The following RSPO2 variants were observed in gnomAD, a reference collection of about 807,000 sequenced individuals.
The protein encoded by RSPO2 is R-spondin 2.
In RSPO2, 14 loss-of-function variants were observed where a neutral mutation model predicts 30.9. The observed-to-expected ratio is 0.45, with a 90% CI of 0.30 to 0.71. The LOEUF is 0.71. Among genes scored for constraint, RSPO2 ranks in the 30% least tolerant of loss-of-function variants. RSPO2 has a pLI of 0.08. For missense variants in RSPO2, 264 were observed against 301.9 expected (o/e 0.87, Z 0.93); for synonymous variants, 107 against 96.4 (o/e 1.11, Z -0.64).
intron 5 of RSPO2, among the ~76,000 whole-genome samples, chr8:107,938,801 C>A (rs1199555591): frequency 6.6e-6 from 1 of 152,122 alleles, no homozygotes; most frequent in Non-Finnish European, 1.5e-5. Context: ...AACAGTAAAG[C>A]ATTTTGATGA....
At chr8:107,932,290 A>C (rs1442721763) in intron 5 of RSPO2, among the ~76,000 whole-genome samples, 1 of 152,090 alleles carries the variant, frequency 6.6e-6, no homozygotes, top group Non-Finnish European at 1.5e-5. Context: ...TTGGTGACCA[A>C]ATGTATATGG....
chr8:108,028,227 C>T (rs1193233651), intron 2 of RSPO2, among the ~76,000 whole-genome samples: 1 of 152,154 alleles, frequency 6.6e-6, no homozygotes, highest in Non-Finnish European at 1.5e-5. Flanking sequence ...CTCTGTGCTT[C>T]TGATATTTCC....
At chr8:108,022,940 A>T (rs567742441) in intron 2 of RSPO2, among the ~76,000 whole-genome samples, 2 of 151,032 alleles carry the variant, frequency 1.3e-5, no homozygotes, top group African/African-American at 2.4e-5. Flanking sequence ...AAACAAAAAA[A>T]AAAACCACAC....
intron 2 of RSPO2, among the ~76,000 whole-genome samples, chr8:108,053,931 C>CA (rs1812154752): frequency 6.6e-6 from 1 of 152,162 alleles, no homozygotes; most frequent in Non-Finnish European, 1.5e-5. Flanking sequence ...TAAGCTAACT[C>CA]AAGTCCCCAT....
At chr8:108,001,419 C>T (rs1815245102) in intron 2 of RSPO2, among the ~76,000 whole-genome samples, 1 of 151,996 alleles carries the variant, frequency 6.6e-6, no homozygotes, top group African/African-American at 2.4e-5. Flanking sequence ...CCCCTTTTTC[C>T]CCCTAGAAAC....
At chr8:108,030,961 T>C (rs1455749184) in intron 2 of RSPO2, among the ~76,000 whole-genome samples, 2 of 152,210 alleles carry the variant, frequency 1.3e-5, no homozygotes, top group African/African-American at 4.8e-5. Flanking sequence ...ATGGCGAATA[T>C]TTTGCCACTG....
chr8:107,983,888 C>A, intron 3 of RSPO2: 1 of 1,430,924 alleles, frequency 7.0e-7, no homozygotes, highest in Non-Finnish European at 9.8e-7. Context: ...ACATTCCTGT[C>A]TTCCGCCCTT....
Position 107,957,663 on chromosome 8 carries a change from A to G in RSPO2, c.616+417T>C, listed in dbSNP as rs1813471736. Among the ~76,000 whole-genome samples, 3 of 152,198 alleles carry G rather than the reference A, an allele frequency of 2.0e-5. No homozygotes were observed. In the South Asian group the frequency reaches 6.2e-4, roughly 31 times the overall value. On this transcript the variant is annotated intron_variant, in intron 5 of 5. Coordinates refer to ENST00000276659, the MANE Select transcript of RSPO2 (RefSeq NM_178565.5). ...GTTGTCATCTTCAACTAGTAATGAT[A>G]CAGATGATTTTACAGACTCCATAAA...
chr8:107,968,705 T>C (rs577073682), intron 3 of RSPO2, among the ~76,000 whole-genome samples: 89 of 152,092 alleles, frequency 5.9e-4, no homozygotes, highest in African/African-American at 2.0e-3. Flanking sequence ...TAAAAATACA[T>C]ACAACTATTA....
chr8:107,955,638 T>TAA lies in RSPO2; in HGVS notation c.616+2440_616+2441dup, dbSNP rs11404577. Among the ~76,000 whole-genome samples, 7 of 151,700 alleles carry TAA rather than the reference T, an allele frequency of 4.6e-5. No homozygotes were observed. The East Asian group carries it at 5.8e-4, about 13-fold the overall frequency. ...CTAGGCTAAGCATTACACTGTTTTTTAAAAAAAACTCTTAAAGCCATTTAT... is the reference window on the plus strand; with the variant it reads ...CTAGGCTAAGCATTACACTGTTTTTTAAAAAAAAAACTCTTAAAGCCATTTAT... On this transcript the variant is annotated intron_variant, in intron 5 of 5. Transcript: ENST00000276659.
chr8:107,914,715 G>A (rs1447667970), intron 5 of RSPO2, among the ~76,000 whole-genome samples: 1 of 152,108 alleles, frequency 6.6e-6, no homozygotes. Flanking sequence ...AGGAATTAAT[G>A]AATTAAGACA....
intron 3 of RSPO2, among the ~76,000 whole-genome samples, chr8:107,986,796 A>G (rs143380115): frequency 1.4e-4 from 21 of 152,292 alleles, no homozygotes; most frequent in African/African-American, 5.1e-4. Flanking sequence ...AATGAAACAC[A>G]TAAAACTGTG....
chr8:107,961,015 G>T (rs756954945), intron 3 of RSPO2, among the ~76,000 whole-genome samples, 198 bp from the exon 4 acceptor site: 1 of 152,068 alleles, frequency 6.6e-6, no homozygotes, highest in Non-Finnish European at 1.5e-5. Context: ...ACTACATCAA[G>T]AATCCAAGAG....
At chr8:107,928,934 T>G (rs561367989) in intron 5 of RSPO2, among the ~76,000 whole-genome samples, 45 of 152,310 alleles carry the variant, frequency 3.0e-4, no homozygotes, top group Middle Eastern at 3.4e-3. Flanking sequence ...AGAATGTCAA[T>G]GAGACCAGAA....
intron 5 of RSPO2, among the ~76,000 whole-genome samples, chr8:107,946,975 G>T (rs1236121542): frequency 6.6e-5 from 10 of 152,218 alleles, no homozygotes; most frequent in Non-Finnish European, 1.5e-4. Context: ...GCAGCAGGAA[G>T]AGCTGTAAGC....
chr8:108,010,696 C>T (rs1031857110), intron 2 of RSPO2, among the ~76,000 whole-genome samples: 7 of 152,094 alleles, frequency 4.6e-5, no homozygotes, highest in Middle Eastern at 3.4e-3. Context: ...GGTCAGCACA[C>T]GCAGGGGACA....
chr8:107,985,433 C>T (rs893900941), intron 3 of RSPO2, among the ~76,000 whole-genome samples: 2 of 151,986 alleles, frequency 1.3e-5, no homozygotes, highest in Non-Finnish European at 2.9e-5. Context: ...TATAGTATAA[C>T]CATTCAGTAG....
chr8:107,929,095 A>T (rs1281466505), intron 5 of RSPO2, among the ~76,000 whole-genome samples: 3 of 152,152 alleles, frequency 2.0e-5, no homozygotes, highest in African/African-American at 7.2e-5. Flanking sequence ...CACACCATGG[A>T]CTGTGAGTTG....
At chr8:107,945,407 C>T (rs1217993691) in intron 5 of RSPO2, among the ~76,000 whole-genome samples, 7 of 151,832 alleles carry the variant, frequency 4.6e-5, no homozygotes, top group African/African-American at 1.7e-4. Context: ...TGCCACCACG[C>T]CGGGCTAATT....
Sources: allele counts gnomAD v4.1 joint callset (sites outside exome capture counted in the v4.1 genomes callset), GRCh38; gene constraint gnomAD v4.1.1; transcripts MANE v1.5; gene names NCBI Gene and HGNC (gene_info 2026-07-23, HGNC 2026-07-21).